CDCA7L: variants seen among roughly 807,000 people sequenced by gnomAD.
The protein encoded by CDCA7L is cell division cycle-associated 7-like protein.
CDCA7L carries 44 observed loss-of-function variants against 57.4 expected under a neutral mutation model. The observed-to-expected ratio is 0.77, with a 90% CI of 0.60 to 0.98. CDCA7L has a LOEUF of 0.98. CDCA7L is among the 50% of genes least tolerant of loss of function. The probability of loss-of-function intolerance (pLI) is 0.00; values close to 1 mark genes in which losing one functional copy is unlikely to be tolerated. For synonymous variants in CDCA7L, 236 were observed against 202.8 expected, an observed-to-expected ratio of 1.16 and a Z score of -1.39; for missense variants, 644 against 580.6, an observed-to-expected ratio of 1.11 and a Z score of -1.12.
intron 1 of CDCA7L, among the ~76,000 whole-genome samples, chr7:21,938,181 A>G (rs1344167856): frequency 6.6e-6 from 1 of 152,230 alleles, no homozygotes; most frequent in East Asian, 1.9e-4. Context: ...AATATCCAAG[A>G]TATATAAATA....
At chr7:21,921,624 A>G (rs1369593373) in intron 1 of CDCA7L, among the ~76,000 whole-genome samples, 1 of 148,280 alleles carries the variant, frequency 6.7e-6, no homozygotes, top group African/African-American at 2.5e-5. Flanking sequence ...TTTGTGTTCC[A>G]TTCTATTACA....
Position 21,901,394 on chromosome 7 carries a change from GA to G in CDCA7L, c.*927del. The G allele has an allele frequency of 8.3e-7, 1 of 1,208,798 alleles. No homozygotes were observed. 74.9% of individuals were successfully genotyped at this position (1,208,798 alleles called of 1,614,324 possible). Reference sequence around the variant, plus strand: ...CTTTTTTCAACGCTATCCTTAGAGTGAAAGTCAGAAAAAAATACTAGAAACT... The same window carrying G: ...CTTTTTTCAACGCTATCCTTAGAGTGAAGTCAGAAAAAAATACTAGAAACT... On this transcript the variant is annotated 3_prime_UTR_variant, in exon 10 of 10. Coordinates refer to ENST00000406877, the MANE Select transcript of CDCA7L (RefSeq NM_018719.5).
intron 1 of CDCA7L, chr7:21,940,395 C>G: frequency 1.6e-6 from 1 of 610,232 alleles, no homozygotes; most frequent in Non-Finnish European, 2.1e-6. Flanking sequence ...TCCATCCATT[C>G]AATGGATATT....
Position 21,903,092 on chromosome 7 carries a change from C to T in CDCA7L, c.1220G>A (p.Arg407His), listed in dbSNP as rs1784988845. ...ACAGTAGCTGCAATTGCAGATCCCA[C>T]GACAGGGGGGACACACCCAATCCTA... Reference protein sequence around the residue: ...LDPDWVCPPCRGICNCSYCRK... With the variant: ...LDPDWVCPPCHGICNCSYCRK... The change falls in exon 9 of 10, where the codon CGT (arginine) becomes CAT (histidine). Residue 407 changes from arginine (R) to histidine (H), a missense_variant. Physicochemically the swap from Arg to His is conservative, Grantham distance 29. Coordinates refer to ENST00000406877, the MANE Select transcript of CDCA7L (RefSeq NM_018719.5). The T allele has an allele frequency of 1.9e-6, 3 of 1,613,880 alleles. No homozygotes were observed. Among genetic ancestry groups the T allele is most frequent in the South Asian group, 2.2e-5 (2 of 91,050 alleles).
chr7:21,931,529 CAT>C lies in CDCA7L; in HGVS notation c.24+14250_24+14251del, dbSNP rs1408866649. On this transcript the variant is annotated intron_variant, in intron 1 of 9. Transcript: ENST00000406877. ...TAAACAGAACCAATGACAAAAACCA[CAT>C]GATTATCTCAATATATGCAGAAAAG... 2.0e-5 allele frequency among the ~76,000 whole-genome samples: 3 copies of C among 152,200 alleles called. No individual in the cohort carries two copies. In the East Asian group the frequency reaches 5.8e-4, roughly 29 times the overall value.
intron 1 of CDCA7L, among the ~76,000 whole-genome samples, chr7:21,934,354 G>C (rs1285812307): frequency 6.6e-6 from 1 of 152,074 alleles, no homozygotes. Flanking sequence ...ATTCAAACCA[G>C]ATTGCTATAA....
At chr7:21,907,949 G>A (rs1785192342) in intron 4 of CDCA7L, among the ~76,000 whole-genome samples, 181 bp downstream of exon 4, 2 of 152,172 alleles carry the variant, frequency 1.3e-5, no homozygotes, top group Admixed American at 1.3e-4. Context: ...AACCAGAGCT[G>A]ATCATGTAAT....
chr7:21,918,634 T>C (rs1464271312), intron 1 of CDCA7L, among the ~76,000 whole-genome samples: 1 of 152,202 alleles, frequency 6.6e-6, no homozygotes, highest in African/African-American at 2.4e-5. Flanking sequence ...ACAGACTCAT[T>C]TGGGTTTACA....
At position 21,902,249 on chromosome 7, in the gene CDCA7L, C is replaced by G. The variant is rs1784923278; in HGVS notation, c.*73G>C. ...AAAACACAACTGTAAAAAAATCTTT[C>G]TTAGGCACCAATGGTATGCATGTCT... On this transcript the variant is annotated 3_prime_UTR_variant, in exon 10 of 10. Transcript: ENST00000406877. 2 of 1,115,026 alleles carry G rather than the reference C, an allele frequency of 1.8e-6. No individual in the cohort carries two copies. Among genetic ancestry groups the G allele is most frequent in the Non-Finnish European group, 2.7e-6 (2 of 749,526 alleles). The allele number at this position is 1,115,026 out of a possible 1,614,324, so 69.1% of individuals were successfully genotyped here.
intron 1 of CDCA7L, among the ~76,000 whole-genome samples, chr7:21,932,939 A>G (rs113334626): frequency 0.15 from 23,507 of 151,900 alleles, 2,924 homozygotes; most frequent in African/African-American, 0.35. Flanking sequence ...CTACAAGGAA[A>G]TTAAACAAAT....
At chr7:21,945,708 C>G in intron 1 of CDCA7L, 73 bp downstream of exon 1, 1 of 1,581,322 alleles carries the variant, frequency 6.3e-7, no homozygotes, top group Non-Finnish European at 8.6e-7. Flanking sequence ...AGCCCAAGGC[C>G]AGCAGGACCG....
At chr7:21,930,225 A>G (rs779249674) in intron 1 of CDCA7L, among the ~76,000 whole-genome samples, 22 of 152,326 alleles carry the variant, frequency 1.4e-4, no homozygotes, top group Middle Eastern at 3.4e-3. Flanking sequence ...CTACAGGGTA[A>G]CTAACGAAAT....
At chr7:21,910,200 A>G (rs1040677667) in intron 3 of CDCA7L, among the ~76,000 whole-genome samples, 1 of 152,222 alleles carries the variant, frequency 6.6e-6, no homozygotes. Context: ...AGAACAGAAA[A>G]TAAGTACATT....
At position 21,908,512 on chromosome 7, in the gene CDCA7L, TA is replaced by T; in HGVS notation, c.304-6del. The T allele has an allele frequency of 1.3e-6, 2 of 1,503,468 alleles. No individual in the cohort carries two copies. The highest frequency in any genetic ancestry group is 8.8e-7 in the Non-Finnish European group (1 of 1,131,340). The allele number at this position is 1,503,468 out of a possible 1,614,324, so 93.1% of individuals were successfully genotyped here. Reference sequence around the variant, plus strand: ...ACTCAAATCTGACTCCACGACCTAATAAAATAAGAGCAAGAAAAAGCACAAA... The same window carrying T: ...ACTCAAATCTGACTCCACGACCTAATAAATAAGAGCAAGAAAAAGCACAAA... On this transcript the variant is annotated splice_polypyrimidine_tract_variant and splice_region_variant and intron_variant, in intron 3 of 9. Transcript: ENST00000406877.
In CDCA7L at chr7:21,901,281, T is replaced by TGCTGGAGTGCAGTGAGGATTTTCTA. The variant is rs772682474; in HGVS notation, c.*1016_*1040dup. ...GTAACACTGGCATTCCTCTAGCCTC[T>TGCTGGAGTGCAGTGAGGATTTTCTA]GCTGGAGTGCAGTGAGGATTTTCTA... On this transcript the variant is annotated 3_prime_UTR_variant, in exon 10 of 10. Coordinates refer to ENST00000406877, the MANE Select transcript of CDCA7L (RefSeq NM_018719.5). The TGCTGGAGTGCAGTGAGGATTTTCTA allele has an allele frequency of 1.3e-6, 2 of 1,581,992 alleles. No individual in the cohort carries two copies. Among genetic ancestry groups the TGCTGGAGTGCAGTGAGGATTTTCTA allele is most frequent in the Admixed American group, 3.5e-5 (2 of 56,610 alleles).
chr7:21,914,952 G>A (rs1008477207), intron 2 of CDCA7L, among the ~76,000 whole-genome samples: 1 of 152,158 alleles, frequency 6.6e-6, no homozygotes, highest in Non-Finnish European at 1.5e-5. Flanking sequence ...CGGCCCTTTA[G>A]ACATGTTCTG....
At position 21,901,428 on chromosome 7, in the gene CDCA7L, G is replaced by T; in HGVS notation, c.*894C>A. 1.1e-6 allele frequency: 1 copy of T among 913,248 alleles called. No individual in the cohort carries two copies. The highest frequency in any genetic ancestry group is 1.5e-6 in the Non-Finnish European group (1 of 671,940). The allele number at this position is 913,248 out of a possible 1,614,324, so 56.6% of individuals were successfully genotyped here. A position where few individuals can be genotyped will look rare whatever the true frequency, so the allele number is the denominator to read the frequency against. ...AAAAAAATACTAGAAACTAACTCAGGGCTGAGCGTGGTGGCACACGACTGT... is the reference window on the plus strand; with the variant it reads ...AAAAAAATACTAGAAACTAACTCAGTGCTGAGCGTGGTGGCACACGACTGT... On this transcript the variant is annotated 3_prime_UTR_variant, in exon 10 of 10. Coordinates refer to ENST00000406877, the MANE Select transcript of CDCA7L (RefSeq NM_018719.5).
At chr7:21,909,723 A>C (rs1785254066) in intron 3 of CDCA7L, among the ~76,000 whole-genome samples, 1 of 152,192 alleles carries the variant, frequency 6.6e-6, no homozygotes, top group South Asian at 2.1e-4. Flanking sequence ...GTTTTGATCC[A>C]TTTATCTACC....
At chr7:21,930,752 C>G (rs1315995190) in intron 1 of CDCA7L, among the ~76,000 whole-genome samples, 1 of 133,792 alleles carries the variant, frequency 7.5e-6, no homozygotes, top group African/African-American at 2.8e-5. Context: ...CCATCAAATT[C>G]AAAAGCTAGC....
Sources: allele counts gnomAD v4.1 joint callset (sites outside exome capture counted in the v4.1 genomes callset), GRCh38; gene constraint gnomAD v4.1.1; transcripts MANE v1.5; gene names NCBI Gene and HGNC (gene_info 2026-07-23, HGNC 2026-07-21).